DLG2: variants seen among roughly 807,000 people sequenced by gnomAD.
The protein encoded by DLG2 is discs large MAGUK scaffold protein 2, also known as disks large homolog 2.
A neutral mutation model predicts 132.5 loss-of-function variants in DLG2; 45 were observed. The ratio of observed to expected loss-of-function variants is 0.34; its 90% CI spans 0.27 to 0.44. DLG2 has a LOEUF of 0.44. Ranked by LOEUF, DLG2 falls within the 20% of genes least tolerant of loss-of-function variation. The pLI is 1.00. For missense variants in DLG2, 1,045 were observed against 1,196.9 expected (o/e 0.87, Z 1.87); for synonymous variants, 424 against 419.6 (o/e 1.01, Z -0.13).
chr11:84,144,312 G>T (rs1035261377), intron 9 of DLG2, among the ~76,000 whole-genome samples: 7 of 151,994 alleles, frequency 4.6e-5, no homozygotes, highest in Non-Finnish European at 8.8e-5. Flanking sequence ...TAAAATGCTG[G>T]TTTCATTCTA....
chr11:84,779,365 G>A (rs979695894), intron 6 of DLG2, among the ~76,000 whole-genome samples: 5 of 151,870 alleles, frequency 3.3e-5, no homozygotes, highest in African/African-American at 4.8e-5. Context: ...TTATCTGCTA[G>A]ATCTTTTGGT....
Position 83,979,104 on chromosome 11 carries a change from T to C in DLG2, c.1056+1402A>G, listed in dbSNP as rs529246201. 4.6e-5 allele frequency among the ~76,000 whole-genome samples: 7 copies of C among 152,282 alleles called. 1 individual carries two copies. The highest frequency in any genetic ancestry group is 4.6e-4 in the Admixed American group (7 of 15,272). On this transcript the variant is annotated intron_variant, in intron 12 of 27. Coordinates refer to ENST00000376104, the MANE Select transcript of DLG2 (RefSeq NM_001142699.3). The stretch of plus-strand genomic sequence containing the variant: ...TAGTAAATGCCAGGTCAATGTTAGC[T>C]ATCAAGATTATTACAAAGATCTTAT...
intron 8 of DLG2, among the ~76,000 whole-genome samples, chr11:84,195,193 C>T (rs1376675405): frequency 6.6e-6 from 1 of 152,180 alleles, no homozygotes; most frequent in Non-Finnish European, 1.5e-5. Flanking sequence ...GAGATGGAGT[C>T]CCACTCTGTT....
intron 19 of DLG2, among the ~76,000 whole-genome samples, chr11:83,581,109 G>A (rs1395076042): frequency 6.6e-6 from 1 of 151,852 alleles, no homozygotes; most frequent in South Asian, 2.1e-4. Flanking sequence ...TCCAAATGAA[G>A]AGGGTGAGTT....
chr11:85,432,206 T>C (rs768977462), intron 3 of DLG2, among the ~76,000 whole-genome samples: 11 of 152,138 alleles, frequency 7.2e-5, no homozygotes, highest in Non-Finnish European at 1.2e-4. Flanking sequence ...GACAAGTTTA[T>C]GAAGATGAGA....
chr11:84,916,230 T>C, intron 6 of DLG2, among the ~76,000 whole-genome samples: 1 of 149,212 alleles, frequency 6.7e-6, no homozygotes, highest in Non-Finnish European at 1.5e-5. Flanking sequence ...GCGCCTGTAG[T>C]CCCAGCTACT....
chr11:85,502,869 T>G (rs2093837357), intron 3 of DLG2, among the ~76,000 whole-genome samples: 1 of 152,098 alleles, frequency 6.6e-6, no homozygotes, highest in Non-Finnish European at 1.5e-5. Flanking sequence ...TGGATACACA[T>G]ATAAAGATGT....
intron 11 of DLG2, among the ~76,000 whole-genome samples, chr11:83,982,316 T>C (rs2092858973): frequency 6.6e-6 from 1 of 152,128 alleles, no homozygotes; most frequent in Admixed American, 6.6e-5. Flanking sequence ...TTACAGGAGA[T>C]GACAGATCCA....
intron 6 of DLG2, among the ~76,000 whole-genome samples, chr11:84,838,413 G>A (rs2080110739): frequency 1.5e-5 from 2 of 134,302 alleles, no homozygotes; most frequent in Admixed American, 1.5e-4. Flanking sequence ...AAAAAAAAAA[G>A]GAGGATGCCA....
intron 18 of DLG2, chr11:83,725,025 C>T: frequency 1.6e-6 from 1 of 639,190 alleles, no homozygotes; most frequent in Non-Finnish European, 2.9e-6. Context: ...AGGAGTGAAG[C>T]AGGTAGGGCT....
intron 18 of DLG2, chr11:83,647,592 C>T (rs1437288158): frequency 2.0e-5 from 3 of 152,140 alleles, no homozygotes; most frequent in Admixed American, 2.0e-4. Context: ...GCTTCATATT[C>T]CCGTAAGTAC....
chr11:84,250,680 T>C (rs1477308118), intron 8 of DLG2, among the ~76,000 whole-genome samples: 1 of 152,206 alleles, frequency 6.6e-6, no homozygotes, highest in South Asian at 2.1e-4. Context: ...TTTGCCATCA[T>C]AGTGGTTGTG....
intron 6 of DLG2, among the ~76,000 whole-genome samples, chr11:84,761,272 T>A (rs1231030473): frequency 6.6e-6 from 1 of 152,228 alleles, no homozygotes; most frequent in African/African-American, 2.4e-5. Flanking sequence ...TACTCCAGAC[T>A]ATTGGTAAAC....
intron 6 of DLG2, among the ~76,000 whole-genome samples, chr11:84,913,577 ATTC>A (rs983013368): frequency 2.0e-5 from 3 of 151,378 alleles, no homozygotes; most frequent in African/African-American, 4.8e-5. Flanking sequence ...TAATGACATG[ATTC>A]TTATCTTATC....
intron 6 of DLG2, among the ~76,000 whole-genome samples, chr11:84,730,393 T>A (rs907107039): frequency 1.8e-4 from 27 of 152,052 alleles, no homozygotes; most frequent in Non-Finnish European, 5.9e-5. Flanking sequence ...CTTAATAATA[T>A]CCATTTGTCC....
At chr11:84,077,683 A>G in intron 10 of DLG2, among the ~76,000 whole-genome samples, 1 of 152,322 alleles carries the variant, frequency 6.6e-6, no homozygotes, top group Admixed American at 6.5e-5. Context: ...TTACATCACT[A>G]TTTCAAATGT....
chr11:84,060,521 T>C (rs1371611228), intron 10 of DLG2, among the ~76,000 whole-genome samples: 1 of 114,896 alleles, frequency 8.7e-6, no homozygotes, highest in African/African-American at 3.0e-5. Context: ...CAACAAATTC[T>C]ACATCAAACT....
chr11:85,490,866 T>C (rs1281535980), intron 3 of DLG2, among the ~76,000 whole-genome samples: 1 of 151,912 alleles, frequency 6.6e-6, no homozygotes, highest in East Asian at 1.9e-4. Flanking sequence ...CTAATACCAA[T>C]CCTCCTGAAA....
intron 7 of DLG2, among the ~76,000 whole-genome samples, chr11:84,259,301 T>C (rs2097523088): frequency 0.053 from 2 of 38 alleles, no homozygotes; most frequent in South Asian, 0.33. Context: ...TTATTATACT[T>C]ATTACTGGAG....
Sources: gnomAD v4.1 joint callset for allele counts (sites outside exome capture counted in the v4.1 genomes callset) on GRCh38, gnomAD v4.1.1 for gene constraint, MANE v1.5 for transcripts, NCBI Gene and HGNC (gene_info 2026-07-23, HGNC 2026-07-21) for gene names.